The following SGPP2 variants were observed in gnomAD, a reference collection of about 807,000 sequenced individuals.
The protein encoded by SGPP2 is sphingosine 1-phosphate phosphohydrolase 2.
In SGPP2, 30 loss-of-function variants were observed where a neutral mutation model predicts 33.9. The ratio of observed to expected loss-of-function variants is 0.89; its 90% CI spans 0.66 to 1.20. The LOEUF is 1.20. Among genes scored for constraint, SGPP2 ranks in the 50% most tolerant of loss-of-function variants. The pLI is 0.00. For missense variants in SGPP2, 458 were observed against 532.1 expected, an observed-to-expected ratio of 0.86 and a Z score of 1.37; for synonymous variants, 233 against 225.0, an observed-to-expected ratio of 1.04 and a Z score of -0.32.
At chr2:222,436,866 G>A (rs1697250085) in intron 1 of SGPP2, among the ~76,000 whole-genome samples, 1 of 152,238 alleles carries the variant, frequency 6.6e-6, no homozygotes, top group African/African-American at 2.4e-5. Context: ...CGAGGGCTCA[G>A]TGTTGGTCTC....
At chr2:222,507,610 A>G (rs532144438) in intron 2 of SGPP2, among the ~76,000 whole-genome samples, 144 of 152,306 alleles carry the variant, frequency 9.5e-4, no homozygotes, top group African/African-American at 2.6e-3. Context: ...TTCTGTTGCT[A>G]TCAGAAGTAA....
chr2:222,555,640 C>T (rs934072309), intron 4 of SGPP2, among the ~76,000 whole-genome samples: 4 of 151,788 alleles, frequency 2.6e-5, no homozygotes, highest in Non-Finnish European at 4.4e-5. Context: ...AGCCAGGGAG[C>T]GATGTAAACT....
chr2:222,430,364 T>A (rs1000746937), intron 1 of SGPP2, among the ~76,000 whole-genome samples: 4 of 152,190 alleles, frequency 2.6e-5, no homozygotes, highest in African/African-American at 9.7e-5. Flanking sequence ...AAAAGGGTGA[T>A]CGAAACCTTA....
chr2:222,533,566 G>A (rs1243694350), intron 4 of SGPP2, among the ~76,000 whole-genome samples: 2 of 152,174 alleles, frequency 1.3e-5, no homozygotes, highest in Non-Finnish European at 2.9e-5. Flanking sequence ...GAGAATAACA[G>A]ACATCAACTC....
At chr2:222,501,064 A>G (rs1422985745) in intron 2 of SGPP2, among the ~76,000 whole-genome samples, 1 of 152,208 alleles carries the variant, frequency 6.6e-6, no homozygotes, top group East Asian at 1.9e-4. Context: ...TCTTTTTTAA[A>G]GAGAACCAAA....
At chr2:222,473,824 T>C (rs1697887104) in intron 1 of SGPP2, among the ~76,000 whole-genome samples, 1 of 149,946 alleles carries the variant, frequency 6.7e-6, no homozygotes, top group Non-Finnish European at 1.5e-5. Flanking sequence ...CTCGGGAGGC[T>C]GAGGCAGGAG....
intron 2 of SGPP2, among the ~76,000 whole-genome samples, chr2:222,515,635 T>C (rs1372742736): frequency 6.6e-6 from 1 of 151,558 alleles, no homozygotes; most frequent in Non-Finnish European, 1.5e-5. Flanking sequence ...AGCCTGAACA[T>C]ATTTAACAGC....
At chr2:222,525,508 T>C (rs973495840) in intron 4 of SGPP2, among the ~76,000 whole-genome samples, 3 of 152,186 alleles carry the variant, frequency 2.0e-5, no homozygotes, top group Admixed American at 6.5e-5. Flanking sequence ...CATACTGTTT[T>C]AGGCTGGAGG....
chr2:222,529,215 A>G (rs973601968), intron 4 of SGPP2, among the ~76,000 whole-genome samples: 2 of 152,192 alleles, frequency 1.3e-5, no homozygotes, highest in African/African-American at 2.4e-5. Context: ...TGAAAAGATT[A>G]CTTTCTTTGT....
intron 2 of SGPP2, among the ~76,000 whole-genome samples, chr2:222,488,766 G>A (rs1009830478): frequency 1.6e-4 from 24 of 152,152 alleles, no homozygotes; most frequent in African/African-American, 5.8e-4. Flanking sequence ...GTATGTGTGT[G>A]TGTACAAACA....
At chr2:222,505,138 C>T (rs1698425961) in intron 2 of SGPP2, among the ~76,000 whole-genome samples, 1 of 152,178 alleles carries the variant, frequency 6.6e-6, no homozygotes, top group Non-Finnish European at 1.5e-5. Flanking sequence ...GAGAGATATT[C>T]ATATTTACTG....
At chr2:222,531,938 G>A (rs779449886) in intron 4 of SGPP2, among the ~76,000 whole-genome samples, 2 of 152,158 alleles carry the variant, frequency 1.3e-5, no homozygotes, top group African/African-American at 2.4e-5. Context: ...TGCTCAGGGC[G>A]TGTGAGTACA....
intron 1 of SGPP2, chr2:222,452,542 G>A: frequency 1.9e-6 from 2 of 1,079,400 alleles, no homozygotes; most frequent in Non-Finnish European, 2.9e-6. Context: ...GGAGAATTTG[G>A]CTGGAACTAC....
chr2:222,514,972 C>A lies in SGPP2; in HGVS notation c.379-6795C>A, dbSNP rs77947715. Among the ~76,000 whole-genome samples the A allele has an allele frequency of 7.2e-4, 109 of 151,988 alleles. 1 individual carries two copies. In the East Asian group the frequency reaches 0.02, roughly 28 times the overall value. ...CCTCTCTTCCATATGTAATTTCTCC[C>A]TGTTGTTATTCTTTGTACATTCATC... On this transcript the variant is annotated intron_variant, in intron 2 of 4. Coordinates refer to ENST00000321276, the MANE Select transcript of SGPP2 (RefSeq NM_152386.4).
At chr2:222,487,817 C>T (rs566381359) in intron 2 of SGPP2, among the ~76,000 whole-genome samples, 1 of 152,250 alleles carries the variant, frequency 6.6e-6, no homozygotes, top group East Asian at 1.9e-4. Context: ...TTGCAAATAG[C>T]ATGCAGTTTA....
chr2:222,497,106 T>C (rs1338236070), intron 2 of SGPP2, among the ~76,000 whole-genome samples: 1 of 152,138 alleles, frequency 6.6e-6, no homozygotes, highest in Non-Finnish European at 1.5e-5. Flanking sequence ...TGATGGAAAG[T>C]TGGGAAACAA....
rs1467703473 is a variant in SGPP2, at chr2:222,550,516, A to C, written c.649-7831A>C. 6.6e-6 allele frequency among the ~76,000 whole-genome samples: 1 copy of C among 152,192 alleles called. No individual in the cohort carries two copies. The highest frequency in any genetic ancestry group is 1.5e-5 in the Non-Finnish European group (1 of 68,028). ...ACATTTTATCCATGCTTACAAGTATATATTTATATAAAATTAGGATCATAC... is the reference window on the plus strand; with the variant it reads ...ACATTTTATCCATGCTTACAAGTATCTATTTATATAAAATTAGGATCATAC... On this transcript the variant is annotated intron_variant, in intron 4 of 4. Coordinates refer to ENST00000321276, the MANE Select transcript of SGPP2 (RefSeq NM_152386.4). The surrounding 1 kb of genome is among the most constrained non-coding windows in gnomAD (Gnocchi z 4.5).
At chr2:222,557,523 AG>A (rs1175792525) in intron 4 of SGPP2, among the ~76,000 whole-genome samples, 1 of 152,258 alleles carries the variant, frequency 6.6e-6, no homozygotes, top group Non-Finnish European at 1.5e-5. Flanking sequence ...TAGGAAAAAA[AG>A]AATATATGGA....
At chr2:222,452,545 G>T in intron 1 of SGPP2, 1 of 1,102,338 alleles carries the variant, frequency 9.1e-7, no homozygotes, top group Non-Finnish European at 1.4e-6. Flanking sequence ...GAATTTGGCT[G>T]GAACTACATG....
Sources: allele counts gnomAD v4.1 joint callset (sites outside exome capture counted in the v4.1 genomes callset), GRCh38; gene constraint gnomAD v4.1.1; non-coding constraint Gnocchi (gnomAD v3.1); transcripts MANE v1.5; gene names NCBI Gene and HGNC (gene_info 2026-07-23, HGNC 2026-07-21).